The following FAM133A variants were observed in gnomAD, a reference collection of about 807,000 sequenced individuals.
The protein encoded by FAM133A is family with sequence similarity 133 member A.
For synonymous variants in FAM133A, 65 were observed against 58.6 expected, an observed-to-expected ratio of 1.11 and a Z score of -0.50; for missense variants, 159 against 164.4, an observed-to-expected ratio of 0.97 and a Z score of 0.18.
chrX:93,694,557 T>C (rs750094007), intron 2 of FAM133A, among the ~76,000 whole-genome samples: 1 of 111,630 alleles, frequency 9.0e-6, no homozygotes, highest in African/African-American at 3.3e-5. Flanking sequence ...TAGACCGTGA[T>C]TATAAATTGA....
intron 2 of FAM133A, among the ~76,000 whole-genome samples, chrX:93,682,428 C>A (rs1344832888): frequency 2.7e-5 from 3 of 111,724 alleles, no homozygotes; most frequent in Non-Finnish European, 5.6e-5. Context: ...CCACATAGGT[C>A]ATTTATTGTG....
intron 2 of FAM133A, among the ~76,000 whole-genome samples, chrX:93,697,191 A>T (rs374777444): frequency 0.031 from 1,284 of 40,764 alleles, 8 homozygotes; most frequent in Non-Finnish European, 0.054. Context: ...ATATATATAT[A>T]ATATATCATA....
At chrX:93,683,405 A>T (rs1925295003) in intron 2 of FAM133A, among the ~76,000 whole-genome samples, 2 of 112,041 alleles carry the variant, frequency 1.8e-5, no homozygotes, top group Admixed American at 1.9e-4. Flanking sequence ...TTTTATTCTT[A>T]TCAGAATCTG....
intron 3 of FAM133A, among the ~76,000 whole-genome samples, chrX:93,705,835 A>G (rs1406966876): frequency 3.6e-5 from 4 of 110,495 alleles, no homozygotes; most frequent in Non-Finnish European, 5.7e-5. Flanking sequence ...TTTTCTTTGT[A>G]CTTTATCCTT....
At chrX:93,689,334 A>C (rs1925743286) in intron 2 of FAM133A, among the ~76,000 whole-genome samples, 1 of 111,263 alleles carries the variant, frequency 9.0e-6, no homozygotes, top group Non-Finnish European at 1.9e-5. Context: ...GAGCCACTGC[A>C]CCTGGCCACA....
Position 93,709,315 on chromosome X carries a change from A to G in FAM133A, c.-103-2A>G. On this transcript the variant is annotated splice_acceptor_variant, in intron 3 of 3. Transcript: ENST00000683942. LOFTEE classifies it low-confidence loss of function (5UTR_SPLICE). ...TAATCATTCCATCTGCTTCTCTTAC[A>G]GAATGGAGCTTGCTTGATATTTCAC... 1 of 997,724 alleles carries G rather than the reference A, an allele frequency of 1.0e-6. No homozygotes were observed. Among genetic ancestry groups the G allele is most frequent in the Non-Finnish European group, 1.3e-6 (1 of 776,647 alleles). 82.2% of individuals were successfully genotyped at this position (997,724 alleles called of 1,213,427 possible). A position where few individuals can be genotyped will look rare whatever the true frequency, so the allele number is the denominator to read the frequency against.
intron 2 of FAM133A, among the ~76,000 whole-genome samples, chrX:93,675,687 C>T (rs1459980829): frequency 9.0e-6 from 1 of 111,314 alleles, no homozygotes; most frequent in African/African-American, 3.3e-5. Flanking sequence ...GAATTATTAT[C>T]ACAATTTACA....
intron 2 of FAM133A, among the ~76,000 whole-genome samples, chrX:93,691,831 T>G (rs185594646): frequency 2.7e-5 from 3 of 111,704 alleles, no homozygotes; most frequent in East Asian, 5.6e-4. Flanking sequence ...TTAATTTCTT[T>G]CAGTAATGTT....
chrX:93,684,586 TA>T (rs1423370841), intron 2 of FAM133A, among the ~76,000 whole-genome samples: 1 of 111,756 alleles, frequency 8.9e-6, no homozygotes, highest in African/African-American at 3.2e-5. Flanking sequence ...CCCATCTATA[TA>T]AAAAAGTATA....
chrX:93,707,329 G>C (rs1453294760), intron 3 of FAM133A, among the ~76,000 whole-genome samples: 1 of 111,218 alleles, frequency 9.0e-6, no homozygotes, highest in Non-Finnish European at 1.9e-5. Flanking sequence ...TAAGATGTTG[G>C]AAACTATCAC....
chrX:93,697,645 T>C (rs755125112), intron 2 of FAM133A, among the ~76,000 whole-genome samples: 112 of 112,054 alleles, frequency 1.0e-3, no homozygotes, highest in African/African-American at 3.4e-3. Flanking sequence ...TGTTGTGATA[T>C]GATATTTTAG....
At chrX:93,705,158 A>G (rs1208709841) in intron 3 of FAM133A, among the ~76,000 whole-genome samples, 4 of 111,693 alleles carry the variant, frequency 3.6e-5, no homozygotes, top group African/African-American at 9.7e-5. Context: ...TATCCATTGC[A>G]TAGTATCTTG....
At chrX:93,708,479 T>G (rs1219355018) in intron 3 of FAM133A, among the ~76,000 whole-genome samples, 3 of 111,838 alleles carry the variant, frequency 2.7e-5, no homozygotes, top group Non-Finnish European at 5.7e-5. Context: ...GACAATTTGG[T>G]GTTGCCTTAT....
chrX:93,702,869 A>C (rs1296638214), intron 3 of FAM133A, among the ~76,000 whole-genome samples: 22 of 83,259 alleles, frequency 2.6e-4, no homozygotes, highest in Middle Eastern at 6.1e-3. Context: ...AAAAAAAAAA[A>C]ACAACACTAG....
rs1434234642 is a variant in FAM133A, at chrX:93,679,287, A to G, written c.-193+4535A>G. ...GTTACTATTATTAATAGTAATAAAT[A>G]AAACATTGGTTGTTTTATAACATTT... On this transcript the variant is annotated intron_variant, in intron 2 of 3. Coordinates refer to ENST00000683942, the MANE Select transcript of FAM133A (RefSeq NM_001171109.2). Among the ~76,000 whole-genome samples, 20 of 111,901 alleles carry G rather than the reference A, an allele frequency of 1.8e-4. No individual in the cohort carries two copies. In the Admixed American group the frequency reaches 1.9e-3, roughly 11 times the overall value.
At chrX:93,697,869 A>T (rs1239643412) in intron 2 of FAM133A, among the ~76,000 whole-genome samples, 2 of 111,944 alleles carry the variant, frequency 1.8e-5, no homozygotes, top group Non-Finnish European at 3.8e-5. Context: ...GGAACATTAA[A>T]AATGAATTTA....
intron 3 of FAM133A, among the ~76,000 whole-genome samples, chrX:93,708,016 A>G (rs2147670366): frequency 8.9e-6 from 1 of 112,192 alleles, no homozygotes; most frequent in Non-Finnish European, 1.9e-5. Flanking sequence ...TAAACGATGA[A>G]CTATCATACA....
intron 2 of FAM133A, among the ~76,000 whole-genome samples, chrX:93,683,702 C>T (rs914341289): frequency 9.0e-6 from 1 of 111,294 alleles, no homozygotes; most frequent in Non-Finnish European, 1.9e-5. Flanking sequence ...TTTATAATAG[C>T]CATCCTAACT....
At chrX:93,697,608 T>C in intron 2 of FAM133A, among the ~76,000 whole-genome samples, 1 of 111,849 alleles carries the variant, frequency 8.9e-6, no homozygotes, top group East Asian at 2.8e-4. Context: ...AGCTTAATAA[T>C]TTTCTTATCT....
Sources: allele counts gnomAD v4.1 joint callset (sites outside exome capture counted in the v4.1 genomes callset), GRCh38; gene constraint gnomAD v4.1.1; transcripts MANE v1.5; gene names NCBI Gene and HGNC (gene_info 2026-07-23, HGNC 2026-07-21).